Variants in HECW1 observed in about 807,000 individuals in gnomAD.
HECW1 encodes E3 ubiquitin-protein ligase HECW1.
HECW1 carries 61 observed loss-of-function variants against 182.3 expected under a neutral mutation model. That is an observed-to-expected ratio of 0.33 (90% CI 0.27 to 0.41). HECW1 has a LOEUF of 0.41. HECW1 is among the 10% of genes least tolerant of loss of function. The pLI is 1.00. For missense variants in HECW1, 1,739 were observed against 2,108.9 expected (o/e 0.82, Z 3.44); for synonymous variants, 859 against 832.6 (o/e 1.03, Z -0.55).
chr7:43,550,544 C>A lies in HECW1; in HGVS notation c.4348C>A (p.Arg1450Ser). ...IERMVKWRVERGVVQQTEALV... is the reference protein window; with the variant it reads ...IERMVKWRVESGVVQQTEALV... ...GCGCATGGTGAAGTGGCGGGTGGAG[C>A]GCGGCGTGGTACAGCAGACCGAGGC... Residue 1450 changes from arginine (R) to serine (S), a missense_variant, in exon 27 of 30, where the codon CGC (arginine) becomes AGC (serine). Transcript: ENST00000395891. 6.2e-7 allele frequency: 1 copy of A among 1,610,966 alleles called. No homozygotes were observed. Among genetic ancestry groups the A allele is most frequent in the Non-Finnish European group, 8.5e-7 (1 of 1,178,718 alleles).
chr7:43,176,742 C>G (rs1792289474), intron 2 of HECW1, among the ~76,000 whole-genome samples: 1 of 152,250 alleles, frequency 6.6e-6, no homozygotes, highest in African/African-American at 2.4e-5. Context: ...CTTCTCAACA[C>G]TGCTGCATGG....
intron 26 of HECW1, among the ~76,000 whole-genome samples, chr7:43,542,706 T>C (rs1427741124): frequency 3.3e-5 from 5 of 152,186 alleles, no homozygotes. Flanking sequence ...TTTGGATATA[T>C]ACACAGAAGT....
At chr7:43,501,721 C>T (rs570971554) in intron 21 of HECW1, among the ~76,000 whole-genome samples, 13 of 152,128 alleles carry the variant, frequency 8.5e-5, no homozygotes, top group African/African-American at 3.1e-4. Context: ...GTCCCAGCTA[C>T]TAGGGAGGCT....
In HECW1 at chr7:43,360,888, G is replaced by A; in HGVS notation, c.463G>A (p.Glu155Lys). 1.9e-6 allele frequency: 3 copies of A among 1,613,500 alleles called. No individual in the cohort carries two copies. The highest frequency in any genetic ancestry group is 2.5e-6 in the Non-Finnish European group (3 of 1,179,456). Residue 155 changes from glutamate to lysine, a missense_variant and splice_region_variant, in exon 6 of 30, where the codon GAA becomes AAA. Glu to Lys is a moderately conservative substitution (Grantham distance 56). Around this residue, in one of 5 missense-constraint regions of HECW1, gnomAD observed 279 missense variants for 353.1 expected, o/e 0.79. Transcript: ENST00000395891. ...CTCATTTTTTGTTTGTCTTTCAGCT[G>A]AAACTAAGATCTGCTTCAAATACTA... ...IDASSYFVEP[E>K]TKICFKYYHG...
At chr7:43,375,432 A>G (rs1022717226) in intron 6 of HECW1, among the ~76,000 whole-genome samples, 23 of 152,232 alleles carry the variant, frequency 1.5e-4, no homozygotes, top group African/African-American at 5.5e-4. Context: ...AAAATTGTGG[A>G]TGGCAGAAAC....
intron 2 of HECW1, among the ~76,000 whole-genome samples, chr7:43,202,238 C>T (rs1473041908): frequency 6.6e-6 from 1 of 152,180 alleles, no homozygotes; most frequent in African/African-American, 2.4e-5. Context: ...CTGCACAATG[C>T]ACACTGTCCT....
At chr7:43,304,232 C>A (rs1172858694) in intron 3 of HECW1, among the ~76,000 whole-genome samples, 3 of 152,086 alleles carry the variant, frequency 2.0e-5, no homozygotes, top group Non-Finnish European at 4.4e-5. Flanking sequence ...CCCAGGCCAT[C>A]CCCACTTCTC....
intron 3 of HECW1, among the ~76,000 whole-genome samples, chr7:43,246,824 G>T (rs1360557325): frequency 8.6e-5 from 13 of 151,296 alleles, no homozygotes. Flanking sequence ...GGAATTGTGT[G>T]GGGGCTGCAG....
chr7:43,437,091 C>T (rs1191191428), intron 8 of HECW1, among the ~76,000 whole-genome samples: 1 of 152,170 alleles, frequency 6.6e-6, no homozygotes, highest in Non-Finnish European at 1.5e-5. Flanking sequence ...TTCTCCCTCC[C>T]CTACCAGCCC....
chr7:43,144,244 C>A (rs1788461166), intron 2 of HECW1, among the ~76,000 whole-genome samples: 1 of 152,146 alleles, frequency 6.6e-6, no homozygotes, highest in Non-Finnish European at 1.5e-5. Context: ...AGTAAGGTGC[C>A]ATTTCATTCC....
At chr7:43,258,957 T>C (rs944653033) in intron 3 of HECW1, among the ~76,000 whole-genome samples, 2 of 152,174 alleles carry the variant, frequency 1.3e-5, no homozygotes, top group African/African-American at 2.4e-5. Flanking sequence ...TTTGTTTTTG[T>C]TTTTACCAAT....
At chr7:43,457,847 G>A (rs778266450) in intron 13 of HECW1, among the ~76,000 whole-genome samples, 5 of 151,832 alleles carry the variant, frequency 3.3e-5, no homozygotes, top group Non-Finnish European at 5.9e-5. Flanking sequence ...GTTGTACACA[G>A]AGGAGCATGC....
At chr7:43,284,516 A>AC (rs1438903108) in intron 3 of HECW1, among the ~76,000 whole-genome samples, 2 of 151,400 alleles carry the variant, frequency 1.3e-5, no homozygotes, top group East Asian at 3.9e-4. Context: ...AAAAAAAAAA[A>AC]AAAAAAAAGA....
intron 6 of HECW1, among the ~76,000 whole-genome samples, chr7:43,365,472 A>G (rs1401244605): frequency 6.6e-6 from 1 of 152,204 alleles, no homozygotes; most frequent in African/African-American, 2.4e-5. Context: ...GTGTGGGGCC[A>G]TCTACTCTGG....
intron 2 of HECW1, among the ~76,000 whole-genome samples, chr7:43,181,039 A>G (rs145357389): frequency 2.0e-3 from 297 of 151,244 alleles, no homozygotes; most frequent in Non-Finnish European, 3.0e-3. Context: ...CCACTATTCT[A>G]CTCTCTTCTT....
chr7:43,457,220 T>G (rs1324243439), intron 13 of HECW1, among the ~76,000 whole-genome samples: 2 of 152,224 alleles, frequency 1.3e-5, no homozygotes, highest in Non-Finnish European at 2.9e-5. Flanking sequence ...CATCTTGCTC[T>G]TTAAGACTGG....
chr7:43,439,790 A>C (rs2076825212), intron 9 of HECW1: 1 of 152,376 alleles, frequency 6.6e-6, no homozygotes, highest in African/African-American at 2.4e-5. Flanking sequence ...AGCTGAAAGC[A>C]AGTACCTGAG....
chr7:43,428,890 A>G, intron 8 of HECW1, among the ~76,000 whole-genome samples: 1 of 152,134 alleles, frequency 6.6e-6, no homozygotes. Flanking sequence ...AAGATGGGAG[A>G]TATACATATG....
chr7:43,306,933 A>G (rs1215251177), intron 3 of HECW1, among the ~76,000 whole-genome samples: 1 of 152,202 alleles, frequency 6.6e-6, no homozygotes, highest in African/African-American at 2.4e-5. Context: ...CACAAGGCCT[A>G]TTCCAAGATT....
Sources: allele counts gnomAD v4.1 joint callset (sites outside exome capture counted in the v4.1 genomes callset), GRCh38; gene constraint gnomAD v4.1.1; regional missense constraint gnomAD v4.1.1; transcripts MANE v1.5; gene names NCBI Gene and HGNC (gene_info 2026-07-23, HGNC 2026-07-21).